The following ARHGEF28 variants were observed in gnomAD, a reference collection of about 807,000 sequenced individuals.
ARHGEF28 encodes the protein 190 kDa guanine nucleotide exchange factor.
ARHGEF28 carries 152 observed loss-of-function variants against 206.6 expected under a neutral mutation model. The observed-to-expected ratio is 0.74, with a 90% CI of 0.64 to 0.84. The LOEUF is 0.84. Ranked by LOEUF, ARHGEF28 falls within the 40% of genes least tolerant of loss-of-function variation. The pLI is 0.00. For missense variants in ARHGEF28, 2,028 were observed against 2,073.2 expected (o/e 0.98, Z 0.42); for synonymous variants, 763 against 776.4 (o/e 0.98, Z 0.29).
At chr5:73,797,983 A>C (rs1233388808) in intron 9 of ARHGEF28, among the ~76,000 whole-genome samples, 6 of 152,132 alleles carry the variant, frequency 3.9e-5, no homozygotes, top group Non-Finnish European at 8.8e-5. Flanking sequence ...TTAATTATCT[A>C]ATTTTATTGT....
chr5:73,639,245 A>AT (rs1554049604), intron 1 of ARHGEF28, among the ~76,000 whole-genome samples: 2 of 148,414 alleles, frequency 1.3e-5, no homozygotes, highest in African/African-American at 4.9e-5. Flanking sequence ...ATATATATAT[A>AT]ATATATATAC....
chr5:73,841,815 T>C lies in ARHGEF28; in HGVS notation c.1427+1055T>C, dbSNP rs75327653. ...ACATCTAGGGAAGGAAATAGGGAAA[T>C]GGGAATGGAATGAATCATAACAGAG... is the stretch of plus-strand genomic sequence containing the variant. On this transcript the variant is annotated intron_variant, in intron 11 of 35. Transcript: ENST00000513042. Among the ~76,000 whole-genome samples, 34 of 150,484 alleles carry C rather than the reference T, an allele frequency of 2.3e-4. No homozygotes were observed. In the East Asian group the frequency reaches 6.6e-3, roughly 29 times the overall value.
intron 33 of ARHGEF28, chr5:73,908,410 G>A (rs1332449329): frequency 6.6e-6 from 1 of 152,134 alleles, no homozygotes; most frequent in Admixed American, 6.5e-5. Context: ...TTTATCCCTA[G>A]GAGAGAAATG....
intron 35 of ARHGEF28, among the ~76,000 whole-genome samples, chr5:73,940,033 T>C (rs906645086): frequency 7.2e-5 from 11 of 152,224 alleles, no homozygotes; most frequent in African/African-American, 2.7e-4. Flanking sequence ...GTTTTTGTTC[T>C]AACACAAGCT....
Position 73,892,180 on chromosome 5 carries a change from CAAGGAGGAACGCAAT to C in ARHGEF28, c.3519_3533del (p.Lys1173_Asn1177del). On this transcript the variant is annotated inframe_deletion, in exon 27 of 36. Transcript: ENST00000513042. Reference sequence around the variant, plus strand: ...AGATGTATGAAATTCACACCAATTCCAAGGAGGAACGCAATAACTGGATGAGACGGATCCAGCAGG... The same window carrying C: ...AGATGTATGAAATTCACACCAATTCCAACTGGATGAGACGGATCCAGCAGG... 6.3e-7 allele frequency: 1 copy of C among 1,577,844 alleles called. No individual in the cohort carries two copies. Among genetic ancestry groups the C allele is most frequent in the South Asian group, 1.2e-5 (1 of 85,904 alleles).
intron 35 of ARHGEF28, among the ~76,000 whole-genome samples, chr5:73,925,578 G>A (rs1397945319): frequency 2.0e-5 from 3 of 152,182 alleles, no homozygotes; most frequent in Admixed American, 6.5e-5. Flanking sequence ...AAGGCACAGA[G>A]CACTCTGTCA....
chr5:73,688,946 A>G (rs1235775680), intron 2 of ARHGEF28, among the ~76,000 whole-genome samples: 1 of 152,214 alleles, frequency 6.6e-6, no homozygotes, highest in East Asian at 1.9e-4. Flanking sequence ...GAGCCATCAC[A>G]CCAGGCCAAT....
chr5:73,875,847 G>T (rs571001231), intron 22 of ARHGEF28, among the ~76,000 whole-genome samples: 86 of 152,316 alleles, frequency 5.6e-4, no homozygotes, highest in South Asian at 4.6e-3. Flanking sequence ...TTGCAGTCAG[G>T]TAGTGTGATG....
intron 28 of ARHGEF28, 36 bp downstream of exon 28, chr5:73,893,324 T>C (rs1761765486): frequency 2.7e-6 from 4 of 1,490,504 alleles, no homozygotes; most frequent in Admixed American, 2.2e-5. Flanking sequence ...CTGGTCGTGG[T>C]GTTCTCCTGG....
chr5:73,914,830 ACCT>A lies in ARHGEF28; in HGVS notation c.4948+3259_4948+3261del, dbSNP rs199768518. ...AACCTCCACCTCCTGGGCTCCATCC[ACCT>A]CCTGGACTCACTGCAACCTCCCACT... is the stretch of plus-strand genomic sequence containing the variant. On this transcript the variant is annotated intron_variant, in intron 35 of 35. Coordinates refer to ENST00000513042, the MANE Select transcript of ARHGEF28 (RefSeq NM_001177693.2). Among the ~76,000 whole-genome samples, 440 of 152,068 alleles carry A rather than the reference ACCT, an allele frequency of 2.9e-3. 2 individuals are homozygous for A. The highest frequency in any genetic ancestry group is 0.021 in the South Asian group (99 of 4,810).
chr5:73,759,819 A>C (rs970260898), intron 4 of ARHGEF28, among the ~76,000 whole-genome samples: 1 of 152,248 alleles, frequency 6.6e-6, no homozygotes, highest in African/African-American at 2.4e-5. Flanking sequence ...TGACAGCCAC[A>C]TCTTGCTTCA....
chr5:73,898,141 G>A, intron 30 of ARHGEF28, 48 bp downstream of exon 30: 1 of 1,593,054 alleles, frequency 6.3e-7, no homozygotes, highest in Non-Finnish European at 8.6e-7. Flanking sequence ...ACAGTCCCTG[G>A]AGCTTACAGT....
At chr5:73,646,792 A>G (rs1483046859) in intron 1 of ARHGEF28, among the ~76,000 whole-genome samples, 2 of 152,234 alleles carry the variant, frequency 1.3e-5, no homozygotes, top group Non-Finnish European at 2.9e-5. Flanking sequence ...GGCTTAAATA[A>G]GATAGGAATG....
chr5:73,650,285 T>C (rs1361378832), intron 1 of ARHGEF28, among the ~76,000 whole-genome samples: 4 of 143,862 alleles, frequency 2.8e-5, no homozygotes, highest in Admixed American at 6.9e-5. Context: ...TTCTTTTTTT[T>C]TTTTTTTTTT....
rs150140090 is a variant in ARHGEF28 at position 73,872,933 on chromosome 5, T to G, written c.2567-66T>G. The stretch of plus-strand genomic sequence containing the variant: ...TAACATATAGTGTTGAGTTACTAAT[T>G]TAGTTTAATAGCGAAACTTGCTTTT... On this transcript the variant is annotated intron_variant, in intron 21 of 35. Coordinates refer to ENST00000513042, the MANE Select transcript of ARHGEF28 (RefSeq NM_001177693.2). 4,246 of 1,567,836 alleles carry G rather than the reference T, an allele frequency of 2.7e-3. 14 individuals are homozygous for G. The highest frequency in any genetic ancestry group is 0.017 in the Middle Eastern group (79 of 4,654).
intron 1 of ARHGEF28, among the ~76,000 whole-genome samples, chr5:73,668,523 C>T (rs1746106903): frequency 6.6e-6 from 1 of 152,196 alleles, no homozygotes; most frequent in South Asian, 2.1e-4. Context: ...AATCCATTCA[C>T]AAGGGCAGAG....
intron 9 of ARHGEF28, among the ~76,000 whole-genome samples, chr5:73,821,412 C>T (rs984677321): frequency 2.6e-5 from 4 of 152,016 alleles, no homozygotes; most frequent in African/African-American, 4.8e-5. Context: ...TTAGGGGAGC[C>T]GAAACACATA....
chr5:73,709,419 A>C (rs1349897502), intron 2 of ARHGEF28, among the ~76,000 whole-genome samples: 2 of 152,172 alleles, frequency 1.3e-5, no homozygotes, highest in Non-Finnish European at 2.9e-5. Flanking sequence ...CTTTTCTAGA[A>C]TGTAATATAA....
At chr5:73,645,734 T>C (rs763290896) in intron 1 of ARHGEF28, among the ~76,000 whole-genome samples, 3 of 152,250 alleles carry the variant, frequency 2.0e-5, no homozygotes, top group Admixed American at 6.5e-5. Context: ...AACTCTTTTA[T>C]TCTCCATTTC....
Sources: gnomAD v4.1 joint callset for allele counts (sites outside exome capture counted in the v4.1 genomes callset) on GRCh38, gnomAD v4.1.1 for gene constraint, MANE v1.5 for transcripts, NCBI Gene and HGNC (gene_info 2026-07-23, HGNC 2026-07-21) for gene names.